Variants in COP1 observed in about 807,000 individuals in gnomAD.
COP1 encodes COP1 E3 ubiquitin ligase.
In COP1, 24 loss-of-function variants were observed where a neutral mutation model predicts 101.3. The observed-to-expected ratio is 0.24, with a 90% CI of 0.17 to 0.33. The LOEUF is 0.33. Ranked by LOEUF, COP1 falls within the 10% of genes least tolerant of loss-of-function variation. The pLI is 1.00. For missense variants in COP1, 663 were observed against 906.2 expected (o/e 0.73, Z 3.45); for synonymous variants, 347 against 341.9 (o/e 1.01, Z -0.17).
At chr1:176,063,506 T>C (rs1036842570) in intron 11 of COP1, among the ~76,000 whole-genome samples, 1 of 152,208 alleles carries the variant, frequency 6.6e-6, no homozygotes, top group Non-Finnish European at 1.5e-5. Flanking sequence ...ATGTAAAACA[T>C]CCTGCAAATT....
chr1:176,043,275 C>G lies in COP1; in HGVS notation c.1531-8G>C. 6.3e-7 allele frequency: 1 copy of G among 1,578,714 alleles called. No individual in the cohort carries two copies. The highest frequency in any genetic ancestry group is 8.7e-7 in the Non-Finnish European group (1 of 1,150,518). On this transcript the variant is annotated splice_polypyrimidine_tract_variant and splice_region_variant and intron_variant, in intron 13 of 19. Coordinates refer to ENST00000367669, the MANE Select transcript of COP1 (RefSeq NM_022457.7). ...ACACCTCTTCTCATGCTCCTGGAAG[C>G]AGAAAGAAGACAGTAGCCTCAGATA...
intron 11 of COP1, among the ~76,000 whole-genome samples, chr1:176,049,573 C>T (rs1041215080): frequency 2.6e-5 from 4 of 151,108 alleles, no homozygotes; most frequent in Admixed American, 6.6e-5. Context: ...ACAAACAGGT[C>T]CCCCCCCTCA....
intron 15 of COP1, among the ~76,000 whole-genome samples, chr1:176,019,370 G>T (rs1259141873): frequency 6.7e-6 from 1 of 150,232 alleles, no homozygotes; most frequent in African/African-American, 2.5e-5. Flanking sequence ...GGCTGAGGCA[G>T]GAGAATCACT....
At chr1:176,102,265 T>C (rs1320039879) in intron 9 of COP1, among the ~76,000 whole-genome samples, 1 of 152,162 alleles carries the variant, frequency 6.6e-6, no homozygotes, top group Non-Finnish European at 1.5e-5. Flanking sequence ...TTTTCCCTTT[T>C]TCCTTTTCGC....
intron 18 of COP1, among the ~76,000 whole-genome samples, chr1:175,984,503 C>A (rs1441607473): frequency 6.6e-6 from 1 of 152,160 alleles, no homozygotes; most frequent in Non-Finnish European, 1.5e-5. Flanking sequence ...GAACCTCTGC[C>A]ACGGCAGTAC....
chr1:176,149,026 C>T lies in COP1; in HGVS notation c.811G>A (p.Ala271Thr). 6.3e-7 allele frequency: 1 copy of T among 1,584,496 alleles called. No individual in the cohort carries two copies. The highest frequency in any genetic ancestry group is 8.6e-7 in the Non-Finnish European group (1 of 1,159,820). ...LQILMEFLKV[A>T]RRNKREQLEQ... ...TATACCTCTCTCTTATTTCTTCTTG[C>T]AACCTTGAGGAATTCCATAAGAATC... The change falls in exon 6 of 20, where the codon GCA becomes ACA. Residue 271 changes from alanine (A) to threonine (T), a missense_variant. Coordinates refer to ENST00000367669, the MANE Select transcript of COP1 (RefSeq NM_022457.7).
intron 18 of COP1, among the ~76,000 whole-genome samples, chr1:175,972,319 C>T (rs1653415947): frequency 6.6e-6 from 1 of 152,078 alleles, no homozygotes; most frequent in Admixed American, 6.5e-5. Context: ...AAATATTGAA[C>T]TCAGAGGGAA....
chr1:176,126,032 A>G (rs1687928003), intron 8 of COP1, among the ~76,000 whole-genome samples: 1 of 152,324 alleles, frequency 6.6e-6, no homozygotes, highest in Non-Finnish European at 1.5e-5. Flanking sequence ...CTGCTGGCAT[A>G]TAAACATGCT....
chr1:176,062,471 A>T (rs1034013910), intron 11 of COP1, among the ~76,000 whole-genome samples: 8 of 152,006 alleles, frequency 5.3e-5, no homozygotes, highest in South Asian at 2.1e-4. Flanking sequence ...CCTGATATTT[A>T]AAAAAAATAA....
intron 18 of COP1, among the ~76,000 whole-genome samples, chr1:175,956,043 A>G (rs1159250171): frequency 6.6e-6 from 1 of 152,184 alleles, no homozygotes; most frequent in African/African-American, 2.4e-5. Context: ...AGTTAAAATA[A>G]TTTTGAAAAA....
chr1:176,055,391 C>A (rs1673284612), intron 11 of COP1, among the ~76,000 whole-genome samples: 1 of 152,172 alleles, frequency 6.6e-6, no homozygotes, highest in East Asian at 1.9e-4. Flanking sequence ...GCCGAGATCG[C>A]ACCACTGAAC....
Position 175,945,185 on chromosome 1 carries a change from A to G in COP1, c.2179-15T>C, listed in dbSNP as rs1209404630. The stretch of plus-strand genomic sequence containing the variant: ...AATTCTAGCACCTAATTGGGGGGAA[A>G]AAAGGATCCATTTAATAAAATCATT... On this transcript the variant is annotated splice_polypyrimidine_tract_variant and intron_variant, in intron 19 of 19. Coordinates refer to ENST00000367669, the MANE Select transcript of COP1 (RefSeq NM_022457.7). 9.7e-6 allele frequency: 15 copies of G among 1,548,664 alleles called. No individual in the cohort carries two copies. The highest frequency in any genetic ancestry group is 1.2e-5 in the Non-Finnish European group (13 of 1,129,942).
chr1:176,037,433 AAAC>A (rs987245222), intron 14 of COP1, among the ~76,000 whole-genome samples: 1 of 151,862 alleles, frequency 6.6e-6, no homozygotes, highest in Non-Finnish European at 1.5e-5. Flanking sequence ...AGAAAAAAAA[AAAC>A]ACATAGCACA....
At chr1:176,148,774 T>C (rs181638299) in intron 6 of COP1, among the ~76,000 whole-genome samples, 1 of 152,262 alleles carries the variant, frequency 6.6e-6, no homozygotes, top group East Asian at 1.9e-4. Flanking sequence ...AGGTAAGTTA[T>C]TGCAGTCAAT....
At chr1:176,013,362 T>C (rs1298464142) in intron 15 of COP1, among the ~76,000 whole-genome samples, 2 of 152,148 alleles carry the variant, frequency 1.3e-5, no homozygotes, top group African/African-American at 2.4e-5. Flanking sequence ...GGTTCTAAAA[T>C]AAGAGATAAC....
At chr1:176,193,303 C>A (rs377551464) in intron 1 of COP1, among the ~76,000 whole-genome samples, 2 of 152,000 alleles carry the variant, frequency 1.3e-5, no homozygotes, top group Admixed American at 6.6e-5. Flanking sequence ...AAATTAGAAC[C>A]CTTATACATT....
chr1:176,007,930 C>A, intron 15 of COP1, among the ~76,000 whole-genome samples: 1 of 152,176 alleles, frequency 6.6e-6, no homozygotes, highest in Non-Finnish European at 1.5e-5. Context: ...ATGGCGGGCG[C>A]CCCTCCCCCA....
At chr1:176,049,492 TA>T (rs1414397117) in intron 11 of COP1, among the ~76,000 whole-genome samples, 2 of 151,996 alleles carry the variant, frequency 1.3e-5, no homozygotes, top group Non-Finnish European at 2.9e-5. Flanking sequence ...TAGATTTTAA[TA>T]GAAATATTAA....
chr1:176,118,737 G>A (rs1385941957), intron 8 of COP1, among the ~76,000 whole-genome samples: 1 of 152,140 alleles, frequency 6.6e-6, no homozygotes, highest in Non-Finnish European at 1.5e-5. Flanking sequence ...GGGCAAGAGA[G>A]AGGCCCTGTC....
Sources: gnomAD v4.1 joint callset for allele counts (sites outside exome capture counted in the v4.1 genomes callset) on GRCh38, gnomAD v4.1.1 for gene constraint, MANE v1.5 for transcripts, NCBI Gene and HGNC (gene_info 2026-07-23, HGNC 2026-07-21) for gene names.